SMURF1: variants seen among roughly 807,000 people sequenced by gnomAD.
The protein encoded by SMURF1 is E3 ubiquitin-protein ligase SMURF1.
SMURF1 carries 44 observed loss-of-function variants against 98.0 expected under a neutral mutation model. The ratio of observed to expected loss-of-function variants is 0.45; its 90% CI spans 0.35 to 0.58. The LOEUF is 0.58. Ranked by LOEUF, SMURF1 falls within the 20% of genes least tolerant of loss-of-function variation. The probability of loss-of-function intolerance (pLI) is 0.00; values close to 1 mark genes in which losing one functional copy is unlikely to be tolerated. For missense variants in SMURF1, 687 were observed against 938.4 expected, an observed-to-expected ratio of 0.73 and a Z score of 3.50; for synonymous variants, 396 against 374.9, an observed-to-expected ratio of 1.06 and a Z score of -0.65.
At chr7:99,110,946 G>A (rs980139342) in intron 1 of SMURF1, among the ~76,000 whole-genome samples, 1 of 152,280 alleles carries the variant, frequency 6.6e-6, no homozygotes, top group Non-Finnish European at 1.5e-5. Flanking sequence ...ATAGGGTGCC[G>A]CCTTTTGTGT....
chr7:99,081,641 T>A (rs1403956716), intron 1 of SMURF1, among the ~76,000 whole-genome samples: 1 of 152,114 alleles, frequency 6.6e-6, no homozygotes, highest in Admixed American at 6.5e-5. Context: ...CCACCGCTTA[T>A]TATGATCTCA....
chr7:99,038,237 G>A (rs769082613), intron 14 of SMURF1, 151 bp downstream of exon 14: 42 of 925,676 alleles, frequency 4.5e-5, no homozygotes, highest in South Asian at 8.6e-5. Context: ...CTGAGCTGTC[G>A]GTTTCTGAAA....
At chr7:99,065,997 G>C (rs1319590195) in intron 1 of SMURF1, among the ~76,000 whole-genome samples, 2 of 151,020 alleles carry the variant, frequency 1.3e-5, no homozygotes, top group Non-Finnish European at 2.9e-5. Context: ...AGTGAACTGA[G>C]ATCGCGCCAC....
intron 1 of SMURF1, among the ~76,000 whole-genome samples, chr7:99,085,176 C>T (rs1269787859): frequency 2.6e-5 from 4 of 151,768 alleles, no homozygotes; most frequent in Non-Finnish European, 5.9e-5. Context: ...CATGGCTAAA[C>T]CCCGTCTCTA....
At position 99,085,426 on chromosome 7, in the gene SMURF1, G is replaced by T. The variant is rs575005099; in HGVS notation, c.56-23589C>A. Among the ~76,000 whole-genome samples, 6 of 151,678 alleles carry T rather than the reference G, an allele frequency of 4.0e-5. No individual in the cohort carries two copies. The South Asian group carries it at 6.3e-4, about 16-fold the overall frequency. ...CCTGGGAGGGACCTCCTCAGAAGCC[G>T]TCATGCTTCCTGTACAGCCTGTGGA... On this transcript the variant is annotated intron_variant, in intron 1 of 17. Coordinates refer to ENST00000361368, the MANE Select transcript of SMURF1 (RefSeq NM_181349.3).
At position 99,143,844 on chromosome 7, in the gene SMURF1, G is replaced by T. The variant is rs896580582; in HGVS notation, c.-64C>A. On this transcript the variant is annotated 5_prime_UTR_variant, in exon 1 of 18. Transcript: ENST00000361368. ...CCGCCCCCCAGCCCGGCCCGGCCCG[G>T]CCCCGCCGCCGCCGCCTCAAGGTTA... The T allele has an allele frequency of 2.2e-6, 3 of 1,381,978 alleles. No individual in the cohort carries two copies. The East Asian group carries it at 1.0e-4, about 48-fold the overall frequency. 85.6% of individuals were successfully genotyped at this position (1,381,978 alleles called of 1,614,324 possible).
intron 12 of SMURF1, 104 bp downstream of exon 12, chr7:99,042,014 G>T: frequency 5.5e-6 from 5 of 907,710 alleles, no homozygotes; most frequent in Non-Finnish European, 8.8e-6. Context: ...CACTGTCTTT[G>T]ATTAAGTCTA....
At chr7:99,069,702 C>T (rs1223670615) in intron 1 of SMURF1, among the ~76,000 whole-genome samples, 5 of 114,712 alleles carry the variant, frequency 4.4e-5, no homozygotes, top group Non-Finnish European at 1.1e-4. Flanking sequence ...TTCAAATTTG[C>T]ATTGAAGGAA....
Position 99,047,722 on chromosome 7 carries a change from G to A in SMURF1, c.1114C>T (p.His372Tyr). 1.2e-6 allele frequency: 2 copies of A among 1,614,208 alleles called. No individual in the cohort carries two copies. The highest frequency in any genetic ancestry group is 1.1e-5 in the South Asian group (1 of 91,078). Residue 372 changes from histidine (H) to tyrosine (Y), a missense_variant, in exon 10 of 18, where the codon CAT becomes TAT. His to Tyr is a moderately conservative substitution (Grantham distance 83). Coordinates refer to ENST00000361368, the MANE Select transcript of SMURF1 (RefSeq NM_181349.3). ...ELSLQQPQAGHCRIEVSREEI... is the reference protein window; with the variant it reads ...ELSLQQPQAGYCRIEVSREEI... ...TCTCTGGACACTTCGATGCGGCAAT[G>A]ACCAGCTTGGGGCTGCTGAAGCGAC...
intron 1 of SMURF1, among the ~76,000 whole-genome samples, chr7:99,070,348 CT>C (rs1406852452): frequency 6.6e-6 from 1 of 152,174 alleles, no homozygotes; most frequent in East Asian, 1.9e-4. Context: ...ACACTATTCT[CT>C]TCTTATTCTC....
At chr7:99,111,492 G>T (rs892514894) in intron 1 of SMURF1, among the ~76,000 whole-genome samples, 1 of 151,996 alleles carries the variant, frequency 6.6e-6, no homozygotes, top group African/African-American at 2.4e-5. Context: ...CCAGTCTATG[G>T]TATTCTGTTA....
At chr7:99,143,290 T>A (rs1584228180) in intron 1 of SMURF1, among the ~76,000 whole-genome samples, 1 of 69,468 alleles carries the variant, frequency 1.4e-5, no homozygotes, top group Admixed American at 1.8e-4. Context: ...AGGGGTCAGG[T>A]GCTAGGGAGA....
At chr7:99,142,025 G>A (rs1798129910) in intron 1 of SMURF1, among the ~76,000 whole-genome samples, 1 of 151,914 alleles carries the variant, frequency 6.6e-6, no homozygotes, top group Admixed American at 6.5e-5. Flanking sequence ...CTTTAGGGAT[G>A]AATTGAAACT....
At chr7:99,049,331 T>G (rs1795682841) in intron 9 of SMURF1, 2 of 494,380 alleles carry the variant, frequency 4.0e-6, no homozygotes, top group Non-Finnish European at 7.1e-6. Context: ...CTCGGTAAAT[T>G]TTATGTAGGC....
intron 1 of SMURF1, among the ~76,000 whole-genome samples, chr7:99,140,577 G>A (rs1345996948): frequency 4.6e-5 from 7 of 151,762 alleles, no homozygotes; most frequent in African/African-American, 1.5e-4. Context: ...GTGAGCCACC[G>A]CGCCCAGCTA....
chr7:99,095,327 A>C (rs999684950), intron 1 of SMURF1, among the ~76,000 whole-genome samples: 8 of 151,990 alleles, frequency 5.3e-5, no homozygotes, highest in African/African-American at 1.9e-4. Flanking sequence ...TGATCCACCC[A>C]CCTCAGCCTC....
chr7:99,131,838 T>TG (rs1290871324), intron 1 of SMURF1, among the ~76,000 whole-genome samples: 1 of 151,980 alleles, frequency 6.6e-6, no homozygotes, highest in Non-Finnish European at 1.5e-5. Flanking sequence ...GATAAGGCTG[T>TG]GGGGTAGGGT....
At chr7:99,099,932 C>T (rs1325996888) in intron 1 of SMURF1, among the ~76,000 whole-genome samples, 4 of 152,152 alleles carry the variant, frequency 2.6e-5, no homozygotes, top group African/African-American at 9.7e-5. Context: ...TATAAACTAT[C>T]CAGTTTCAGG....
chr7:99,058,692 C>T (rs1750617060), intron 3 of SMURF1, among the ~76,000 whole-genome samples: 1 of 152,166 alleles, frequency 6.6e-6, no homozygotes, highest in Admixed American at 6.5e-5. Context: ...AAATCCCACC[C>T]AAATACAGTA....
Sources: gnomAD v4.1 joint callset for allele counts (sites outside exome capture counted in the v4.1 genomes callset) on GRCh38, gnomAD v4.1.1 for gene constraint, MANE v1.5 for transcripts, NCBI Gene and HGNC (gene_info 2026-07-23, HGNC 2026-07-21) for gene names.